Variants in DOK6 observed in about 807,000 individuals in gnomAD.
The protein encoded by DOK6 is downstream of tyrosine kinase 6.
A neutral mutation model predicts 44.0 loss-of-function variants in DOK6; 22 were observed. The ratio of observed to expected loss-of-function variants is 0.50; its 90% CI spans 0.36 to 0.71. The LOEUF is 0.71. Among genes scored for constraint, DOK6 ranks in the 30% least tolerant of loss-of-function variants. The pLI, the probability that DOK6 is intolerant of heterozygous loss-of-function variation, is 0.00. For missense variants in DOK6, 340 were observed against 416.4 expected (o/e 0.82, Z 1.60); for synonymous variants, 166 against 145.5 (o/e 1.14, Z -1.01).
chr18:69,771,366 G>C (rs138195236), intron 7 of DOK6, among the ~76,000 whole-genome samples: 1 of 151,978 alleles, frequency 6.6e-6, no homozygotes, highest in East Asian at 1.9e-4. Flanking sequence ...GCAATTAAGG[G>C]CTGCATAATA....
At chr18:69,703,091 AT>A (rs1986557405) in intron 5 of DOK6, among the ~76,000 whole-genome samples, 1 of 152,004 alleles carries the variant, frequency 6.6e-6, no homozygotes, top group Non-Finnish European at 1.5e-5. Flanking sequence ...ATAGCAAGAG[AT>A]TTACCAGATT....
At chr18:69,420,634 C>G (rs541477068) in intron 1 of DOK6, among the ~76,000 whole-genome samples, 1 of 152,096 alleles carries the variant, frequency 6.6e-6, no homozygotes, top group Non-Finnish European at 1.5e-5. Flanking sequence ...AATGCTATCC[C>G]TCATTTTATA....
At chr18:69,469,946 C>T (rs1980047364) in intron 1 of DOK6, 3 of 201,806 alleles carry the variant, frequency 1.5e-5, no homozygotes, top group East Asian at 1.7e-4. Flanking sequence ...CTTATCTCAT[C>T]GTGGCCTACT....
intron 3 of DOK6, among the ~76,000 whole-genome samples, 182 bp downstream of exon 3, chr18:69,599,680 AT>A (rs1481430494): frequency 6.6e-6 from 1 of 152,156 alleles, no homozygotes; most frequent in East Asian, 1.9e-4. Context: ...CTGTTGTTAC[AT>A]GTCTGTGTCT....
At chr18:69,675,624 C>A (rs1160534312) in intron 3 of DOK6, among the ~76,000 whole-genome samples, 1 of 151,962 alleles carries the variant, frequency 6.6e-6, no homozygotes, top group Admixed American at 6.6e-5. Context: ...ATGTAACAAA[C>A]CTGCACGTTG....
rs993374230 is a variant in DOK6 at position 69,547,981 on chromosome 18, A to C, written c.67-16506A>C. Among the ~76,000 whole-genome samples the C allele has an allele frequency of 8.1e-5, 12 of 148,050 alleles. No individual in the cohort carries two copies. In the East Asian group the frequency reaches 1.2e-3, roughly 14 times the overall value. On this transcript the variant is annotated intron_variant, in intron 1 of 7. Coordinates refer to ENST00000382713, the MANE Select transcript of DOK6 (RefSeq NM_152721.6). Reference sequence around the variant, plus strand: ...ATATATATATGTATTTTTGAGACAGAGTCTCGCTGTCACCCAGGCTGGAGT... The same window carrying C: ...ATATATATATGTATTTTTGAGACAGCGTCTCGCTGTCACCCAGGCTGGAGT...
At chr18:69,659,337 A>G (rs968350593) in intron 3 of DOK6, among the ~76,000 whole-genome samples, 3 of 152,252 alleles carry the variant, frequency 2.0e-5, no homozygotes, top group Non-Finnish European at 4.4e-5. Context: ...GTATTGACAC[A>G]ATGGTGTCCA....
At chr18:69,589,246 A>G (rs1417047810) in intron 2 of DOK6, among the ~76,000 whole-genome samples, 1 of 152,096 alleles carries the variant, frequency 6.6e-6, no homozygotes, top group Admixed American at 6.6e-5. Flanking sequence ...AATGCAGTAA[A>G]ATTTTCATTT....
Position 69,444,427 on chromosome 18 carries a change from C to T in DOK6, c.66+43117C>T, listed in dbSNP as rs539521941. 3.3e-5 allele frequency among the ~76,000 whole-genome samples: 5 copies of T among 152,258 alleles called. No homozygotes were observed. In the East Asian group the frequency reaches 7.7e-4, roughly 24 times the overall value. ...GGACTTGATTCAATTTGTGGTTGTT[C>T]TCCAAGAATGCATTTCCCAACCACC... On this transcript the variant is annotated intron_variant, in intron 1 of 7. Transcript: ENST00000382713.
intron 1 of DOK6, among the ~76,000 whole-genome samples, chr18:69,512,253 G>T (rs1981387752): frequency 6.6e-6 from 1 of 150,694 alleles, no homozygotes; most frequent in Non-Finnish European, 1.5e-5. Context: ...CAATGCAATC[G>T]ATGCTATCTT....
chr18:69,765,676 T>A (rs1979693035), intron 7 of DOK6, among the ~76,000 whole-genome samples: 1 of 152,182 alleles, frequency 6.6e-6, no homozygotes, highest in South Asian at 2.1e-4. Context: ...GGGGCTCAAT[T>A]ATCTTGAAGA....
chr18:69,482,713 A>G (rs1980463528), intron 1 of DOK6, among the ~76,000 whole-genome samples: 2 of 152,054 alleles, frequency 1.3e-5, no homozygotes, highest in South Asian at 2.1e-4. Flanking sequence ...ATCCTTATGT[A>G]TATCTCTGCT....
rs1467305600 is a variant in DOK6 at position 69,842,405 on chromosome 18, A to G, written c.*1022A>G. 35 of 152,182 alleles carry G rather than the reference A, an allele frequency of 2.3e-4. No homozygotes were observed. Among genetic ancestry groups the G allele is most frequent in the Admixed American group, 2.3e-3 (35 of 15,284 alleles). 9.4% of individuals were successfully genotyped at this position (152,182 alleles called of 1,614,324 possible). ...TCAGCTTCCATTTAACCTTGAGAGA[A>G]AAGAGAGGTTCTAAATGAAGAACTC... On this transcript the variant is annotated 3_prime_UTR_variant, in exon 8 of 8. Coordinates refer to ENST00000382713, the MANE Select transcript of DOK6 (RefSeq NM_152721.6).
At position 69,723,499 on chromosome 18, in the gene DOK6, G is replaced by A. The variant is rs1978292738; in HGVS notation, c.600-15466G>A. 2.0e-5 allele frequency among the ~76,000 whole-genome samples: 3 copies of A among 152,174 alleles called. No individual in the cohort carries two copies. The South Asian group carries it at 6.2e-4, about 32-fold the overall frequency. ...AGAACACACGCTCGGGTGTGATTGG[G>A]CCTGTCAGGGGTATTGTGGGTCACA... On this transcript the variant is annotated intron_variant, in intron 5 of 7. Transcript: ENST00000382713.
At chr18:69,489,196 C>A (rs1599155485) in intron 1 of DOK6, among the ~76,000 whole-genome samples, 1 of 152,312 alleles carries the variant, frequency 6.6e-6, no homozygotes, top group East Asian at 1.9e-4. Flanking sequence ...CCTTGTCCAG[C>A]TTAAATACTT....
chr18:69,403,099 C>T (rs73466807), intron 1 of DOK6, among the ~76,000 whole-genome samples: 115 of 152,256 alleles, frequency 7.6e-4, no homozygotes, highest in African/African-American at 2.6e-3. Flanking sequence ...GCAATTGTAT[C>T]TGATGCCTCA....
intron 1 of DOK6, among the ~76,000 whole-genome samples, chr18:69,503,597 T>A (rs902635490): frequency 6.6e-6 from 1 of 152,108 alleles, no homozygotes; most frequent in Non-Finnish European, 1.5e-5. Context: ...GTAAAATTAC[T>A]AAACAATGTC....
At chr18:69,770,783 T>C (rs1410708568) in intron 7 of DOK6, among the ~76,000 whole-genome samples, 2 of 152,004 alleles carry the variant, frequency 1.3e-5, no homozygotes, top group South Asian at 2.1e-4. Context: ...TTTAGAAGTG[T>C]CTTATTTTGG....
At chr18:69,688,616 G>C (rs1273719002) in intron 4 of DOK6, among the ~76,000 whole-genome samples, 2 of 152,124 alleles carry the variant, frequency 1.3e-5, no homozygotes, top group Non-Finnish European at 2.9e-5. Flanking sequence ...TCCGCCTCCT[G>C]GGTTCAAGTG....
Sources: gnomAD v4.1 joint callset for allele counts (sites outside exome capture counted in the v4.1 genomes callset) on GRCh38, gnomAD v4.1.1 for gene constraint, MANE v1.5 for transcripts, NCBI Gene and HGNC (gene_info 2026-07-23, HGNC 2026-07-21) for gene names.